The following SV2C variants were observed in gnomAD, a reference collection of about 807,000 sequenced individuals.
SV2C encodes the protein solute carrier family 22 member B3.
Under a neutral mutation model 79.7 loss-of-function variants are expected in SV2C, and 49 were observed. That is an observed-to-expected ratio of 0.61 (90% CI 0.49 to 0.78). The LOEUF (loss-of-function observed/expected upper bound fraction) is 0.78, where lower values mean the gene tolerates loss of function less well. Ranked by LOEUF, SV2C falls within the 30% of genes least tolerant of loss-of-function variation. The pLI is 0.00. For synonymous variants in SV2C, 334 were observed against 333.2 expected (o/e 1.00, Z -0.03); for missense variants, 833 against 912.9 (o/e 0.91, Z 1.13).
chr5:75,852,837 A>AAAAAAAG, the SV2C span, among the ~76,000 whole-genome samples: 131 of 145,636 alleles, frequency 9.0e-4, 1 homozygote, highest in African/African-American at 2.9e-3. Context: ...AAAAAAAAAA[A>AAAAAAAG]AAAAAAGAAA....
the SV2C span, among the ~76,000 whole-genome samples, chr5:75,876,455 G>C: frequency 2.6e-5 from 4 of 151,992 alleles, no homozygotes; most frequent in Non-Finnish European, 5.9e-5. Flanking sequence ...GAGCAGAAAA[G>C]ATGACTATTG....
At chr5:76,303,288 G>A (rs942878444) in intron 12 of SV2C, among the ~76,000 whole-genome samples, 2 of 152,088 alleles carry the variant, frequency 1.3e-5, no homozygotes, top group African/African-American at 2.4e-5. Flanking sequence ...GAGTTGGTGC[G>A]GCCAAAAGCA....
At chr5:76,157,504 AATGG>A (rs1272222186) in intron 2 of SV2C, among the ~76,000 whole-genome samples, 8 of 152,062 alleles carry the variant, frequency 5.3e-5, no homozygotes, top group Non-Finnish European at 1.0e-4. Flanking sequence ...AGACAGTATT[AATGG>A]ATATATCACC....
chr5:76,008,609 C>T, the SV2C span, among the ~76,000 whole-genome samples: 1 of 152,142 alleles, frequency 6.6e-6, no homozygotes, highest in Non-Finnish European at 1.5e-5. Context: ...AACTATTGCT[C>T]ATCTCCTCCC....
the SV2C span, among the ~76,000 whole-genome samples, chr5:76,022,956 C>T: frequency 3.3e-5 from 5 of 152,176 alleles, no homozygotes; most frequent in Admixed American, 2.0e-4. Context: ...TGGCCCAAGC[C>T]ACCTGTCCCA....
chr5:76,278,417 C>T (rs745824823), intron 4 of SV2C, among the ~76,000 whole-genome samples: 3 of 152,080 alleles, frequency 2.0e-5, no homozygotes, highest in Non-Finnish European at 4.4e-5. Context: ...CACCCTTAAG[C>T]GAATCCTGGA....
chr5:76,282,786 G>C (rs905087868), intron 4 of SV2C, among the ~76,000 whole-genome samples: 1 of 152,160 alleles, frequency 6.6e-6, no homozygotes, highest in Non-Finnish European at 1.5e-5. Flanking sequence ...GAGGCAGGCG[G>C]ATCACTTGAG....
At chr5:75,991,063 A>C in the SV2C span, among the ~76,000 whole-genome samples, 2 of 152,012 alleles carry the variant, frequency 1.3e-5, no homozygotes, top group Admixed American at 6.6e-5. Context: ...GGATTTGTAC[A>C]TAACATCCTA....
the SV2C span, among the ~76,000 whole-genome samples, chr5:75,905,044 A>G: frequency 1.3e-5 from 2 of 152,216 alleles, no homozygotes; most frequent in Non-Finnish European, 2.9e-5. Context: ...CCGTGCTTCA[A>G]AATGTGTTCC....
chr5:76,093,768 G>A (rs999870270), intron 1 of SV2C, among the ~76,000 whole-genome samples: 10 of 151,652 alleles, frequency 6.6e-5, no homozygotes, highest in Non-Finnish European at 1.5e-4. Context: ...TTATCACAAG[G>A]CCAAGAAACT....
intron 1 of SV2C, among the ~76,000 whole-genome samples, chr5:76,094,007 G>A (rs2112103450): frequency 6.6e-6 from 1 of 152,244 alleles, no homozygotes; most frequent in East Asian, 1.9e-4. Flanking sequence ...CTGCTACTTG[G>A]GAGGTTTAAA....
intron 1 of SV2C, among the ~76,000 whole-genome samples, chr5:76,120,291 T>TC (rs1023274075): frequency 2.0e-5 from 3 of 151,800 alleles, no homozygotes; most frequent in African/African-American, 7.3e-5. Context: ...TTTCTTTTTT[T>TC]TTTCAGCTAC....
chr5:75,900,951 C>G, the SV2C span, among the ~76,000 whole-genome samples: 944 of 152,298 alleles, frequency 6.2e-3, 5 homozygotes, highest in South Asian at 0.026. Context: ...CATTTAAGCA[C>G]TTTTCTGTAT....
intron 3 of SV2C, among the ~76,000 whole-genome samples, chr5:76,197,124 T>G (rs757731229): frequency 2.0e-4 from 31 of 152,384 alleles, no homozygotes; most frequent in Admixed American, 5.2e-4. Context: ...CTGCTTTTTC[T>G]TTTGTAAAAG....
At chr5:76,055,163 G>A in the SV2C span, among the ~76,000 whole-genome samples, 1 of 152,050 alleles carries the variant, frequency 6.6e-6, no homozygotes, top group Non-Finnish European at 1.5e-5. Context: ...TCCATCTTGA[G>A]TTAATTTTTG....
the SV2C span, among the ~76,000 whole-genome samples, chr5:75,899,343 G>A: frequency 6.6e-6 from 1 of 152,180 alleles, no homozygotes. Flanking sequence ...AGTCATTCAG[G>A]AGCAGATTGT....
chr5:75,870,454 A>G, the SV2C span, among the ~76,000 whole-genome samples: 1 of 152,026 alleles, frequency 6.6e-6, no homozygotes, highest in Non-Finnish European at 1.5e-5. Context: ...CTATTTGAAA[A>G]TACACAGAGG....
At chr5:75,863,142 A>G in the SV2C span, among the ~76,000 whole-genome samples, 1 of 152,200 alleles carries the variant, frequency 6.6e-6, no homozygotes, top group African/African-American at 2.4e-5. Context: ...AAAAGCCTTG[A>G]TGTATAGCAT....
chr5:76,182,628 G>A (rs949601352), intron 2 of SV2C, among the ~76,000 whole-genome samples: 1 of 152,202 alleles, frequency 6.6e-6, no homozygotes, highest in Non-Finnish European at 1.5e-5. Flanking sequence ...TTCAGAGCCA[G>A]CACGTGAGAG....
Sources: allele counts gnomAD v4.1 joint callset (sites outside exome capture counted in the v4.1 genomes callset), GRCh38; gene constraint gnomAD v4.1.1; transcripts MANE v1.5; gene names NCBI Gene and HGNC (gene_info 2026-07-23, HGNC 2026-07-21).